IMMT: variants seen among roughly 807,000 people sequenced by gnomAD.
IMMT encodes the protein inner membrane mitochondrial protein.
A neutral mutation model predicts 92.7 loss-of-function variants in IMMT; 40 were observed. The observed-to-expected ratio is 0.43, with a 90% CI of 0.34 to 0.56. The LOEUF (loss-of-function observed/expected upper bound fraction) is 0.56. Ranked by LOEUF, IMMT falls within the 20% of genes least tolerant of loss-of-function variation. The probability of loss-of-function intolerance (pLI) is 0.03; values close to 1 mark genes in which losing one functional copy is unlikely to be tolerated. For missense variants in IMMT, 831 were observed against 912.1 expected, an observed-to-expected ratio of 0.91 and a Z score of 1.14; for synonymous variants, 322 against 336.1, an observed-to-expected ratio of 0.96 and a Z score of 0.46.
chr2:86,145,935 A>T, intron 14 of IMMT, 133 bp downstream of exon 14: 1 of 621,110 alleles, frequency 1.6e-6, no homozygotes, highest in Non-Finnish European at 2.4e-6. Flanking sequence ...AATGGCAAAA[A>T]CTGCAATTAA....
In IMMT at chr2:86,195,340, G is replaced by GGGC; in HGVS notation, c.40_42dup (p.Ala14dup). On this transcript the variant is annotated inframe_insertion, in exon 1 of 15. Coordinates refer to ENST00000410111, the MANE Select transcript of IMMT (RefSeq NM_006839.3). ...CCTCCGGGAGCCCCAGTGCTCACCT[G>GGGC]GGCGGCGGCGGTCACACCCGATAAC... 6.5e-7 allele frequency: 1 copy of GGGC among 1,549,198 alleles called. No homozygotes were observed.
chr2:86,145,494 CAAAAAAAAAAAAAAA>C (rs10554362), intron 14 of IMMT, among the ~76,000 whole-genome samples: 5 of 76,304 alleles, frequency 6.6e-5, no homozygotes, highest in African/African-American at 2.6e-4. Flanking sequence ...GACTCTGTCT[CAAAAAAAAAAAAAAA>C]AAAAAAAAAG....
intron 11 of IMMT, 77 bp downstream of exon 11, chr2:86,153,483 T>C (rs1675630358): frequency 4.1e-6 from 3 of 733,544 alleles, no homozygotes; most frequent in Middle Eastern, 2.6e-4. Flanking sequence ...GTAAGAATCA[T>C]AGGCACAACA....
intron 6 of IMMT, among the ~76,000 whole-genome samples, chr2:86,168,039 T>C (rs1158992593): frequency 6.6e-6 from 1 of 152,074 alleles, no homozygotes; most frequent in East Asian, 1.9e-4. Flanking sequence ...AACACTTATG[T>C]TGACAAGATA....
At chr2:86,188,774 AG>A (rs1672949975) in intron 1 of IMMT, among the ~76,000 whole-genome samples, 1 of 152,140 alleles carries the variant, frequency 6.6e-6, no homozygotes. Context: ...ACTGAGTTGC[AG>A]GAGTTCCTTA....
chr2:86,151,347 T>C lies in IMMT; in HGVS notation c.1351A>G (p.Lys451Glu), dbSNP rs1200985132. The C allele has an allele frequency of 6.2e-7, 1 of 1,614,038 alleles. No homozygotes were observed. The highest frequency in any genetic ancestry group is 1.7e-5 in the Admixed American group (1 of 60,022). The stretch of plus-strand genomic sequence containing the variant: ...TCACTTCTGTGATGTTCTAATGCTT[T>C]TGCTACTGCAGAGTCAAATGCCCGC... Reference protein sequence around the residue: ...EKRAFDSAVAKALEHHRSEIQ... With the variant: ...EKRAFDSAVAEALEHHRSEIQ... Residue 451 changes from lysine (K) to glutamate (E), a missense_variant, in exon 12 of 15, where the codon AAA (lysine) becomes GAA (glutamate). Coordinates refer to ENST00000410111, the MANE Select transcript of IMMT (RefSeq NM_006839.3).
Position 86,144,890 on chromosome 2 carries a change from A to C in IMMT, c.1664-9T>G. ...TTCAGCAACTGCATGGCCTACAAAG[A>C]AAAAAAGGCAAAGCCAAACATTTTT... On this transcript the variant is annotated splice_polypyrimidine_tract_variant and intron_variant, in intron 14 of 14. Coordinates refer to ENST00000410111, the MANE Select transcript of IMMT (RefSeq NM_006839.3). 1 of 1,568,614 alleles carries C rather than the reference A, an allele frequency of 6.4e-7. No individual in the cohort carries two copies. The highest frequency in any genetic ancestry group is 1.9e-5 in the Admixed American group (1 of 51,792).
intron 12 of IMMT, among the ~76,000 whole-genome samples, chr2:86,148,495 C>G (rs1405886498): frequency 6.6e-6 from 1 of 152,058 alleles, no homozygotes; most frequent in Admixed American, 6.6e-5. Context: ...GCCTGTAGTC[C>G]CAGCTACTCG....
chr2:86,162,417 A>G (rs1676358393), intron 7 of IMMT, among the ~76,000 whole-genome samples: 1 of 151,630 alleles, frequency 6.6e-6, no homozygotes, highest in South Asian at 2.1e-4. Flanking sequence ...GGAGGTTTAC[A>G]TATTTGTAGG....
chr2:86,163,140 A>G (rs1331420747), intron 7 of IMMT, among the ~76,000 whole-genome samples: 1 of 151,912 alleles, frequency 6.6e-6, no homozygotes, highest in Non-Finnish European at 1.5e-5. Flanking sequence ...TGAACAACAT[A>G]GTGAGACCCC....
chr2:86,144,413 T>C lies in IMMT; in HGVS notation c.2132A>G (p.Asn711Ser), dbSNP rs756679628. The C allele has an allele frequency of 3.7e-6, 6 of 1,613,862 alleles. No homozygotes were observed. Among genetic ancestry groups the C allele is most frequent in the South Asian group, 2.2e-5 (2 of 91,086 alleles). ...GDLELAAKFV[N>S]QLKGESRRVA... is the part of the protein sequence containing the mutation. ...TCGTCTGGATTCCCCCTTCAGCTGA[T>C]TGACAAACTTTGCTGCTAGCTCCAG... The change falls in exon 15 of 15, where the codon AAT (asparagine) becomes AGT (serine). Residue 711 changes from asparagine to serine, a missense_variant. Asn to Ser is a conservative substitution (Grantham distance 46). Transcript: ENST00000410111.
In IMMT at chr2:86,144,403, C is replaced by T. The variant is rs781632033; in HGVS notation, c.2142G>A (p.Lys714=). Residue 714 remains lysine, a synonymous_variant, in exon 15 of 15, where the codon AAG becomes AAA. Coordinates refer to ENST00000410111, the MANE Select transcript of IMMT (RefSeq NM_006839.3). Reference sequence around the variant, plus strand: ...CCTGTGCCACTCGTCTGGATTCCCCCTTCAGCTGATTGACAAACTTTGCTG... The same window carrying T: ...CCTGTGCCACTCGTCTGGATTCCCCTTTCAGCTGATTGACAAACTTTGCTG... ...ELAAKFVNQL[K]GESRRVAQDW... 4.3e-6 allele frequency: 7 copies of T among 1,613,892 alleles called. No individual in the cohort carries two copies. The Admixed American group carries it at 5.0e-5, about 12-fold the overall frequency.
Position 86,147,802 on chromosome 2 carries a change from T to TCA in IMMT, c.1431_1432dup (p.Glu478ValfsTer3). On this transcript the variant is annotated frameshift_variant, in exon 13 of 15. Coordinates refer to ENST00000410111, the MANE Select transcript of IMMT (RefSeq NM_006839.3). LOFTEE classifies it high-confidence loss of function. The stretch of plus-strand genomic sequence containing the variant: ...CTGTCGGCGAAGCTGGGTTCTCATT[T>TCA]CATTTTCCATGGCATCTCTGACTTC... The TCA allele has an allele frequency of 6.2e-7, 1 of 1,613,970 alleles. No individual in the cohort carries two copies. The highest frequency in any genetic ancestry group is 8.5e-7 in the Non-Finnish European group (1 of 1,179,866).
At position 86,147,779 on chromosome 2, in the gene IMMT, G is replaced by A. The variant is rs1675133184; in HGVS notation, c.1456C>T (p.Gln486Ter). ...ENEMRTQLRR[Q>*]AAAHTDHLRD... The stretch of plus-strand genomic sequence containing the variant: ...AAGTGATCAGTGTGGGCAGCTGCCT[G>A]TCGGCGAAGCTGGGTTCTCATTTCA... The change falls in exon 13 of 15, where the codon CAG becomes TAG. Residue 486 changes from glutamine to a stop codon, truncating the protein, a stop_gained. Transcript: ENST00000410111. LOFTEE classifies it high-confidence loss of function. The A allele has an allele frequency of 6.2e-7, 1 of 1,613,794 alleles. No individual in the cohort carries two copies. The highest frequency in any genetic ancestry group is 8.5e-7 in the Non-Finnish European group (1 of 1,179,806).
At position 86,144,356 on chromosome 2, in the gene IMMT, A is replaced by G. The variant is rs200512625; in HGVS notation, c.2189T>C (p.Met730Thr). The change falls in exon 15 of 15, where the codon ATG (methionine) becomes ACG (threonine). Residue 730 changes from methionine (M) to threonine (T), a missense_variant. Transcript: ENST00000410111. ...CACTATCTGTTTCGTTTCTAGGGTC[A>G]TTCGGGCTTCCTTCAGCCAGTCCTG... The part of the protein sequence containing the change: ...VAQDWLKEAR[M>T]TLETKQIVEI... The G allele has an allele frequency of 1.2e-6, 2 of 1,614,010 alleles. No individual in the cohort carries two copies. Among genetic ancestry groups the G allele is most frequent in the Admixed American group, 1.7e-5 (1 of 60,022 alleles).
chr2:86,155,069 G>T (rs1675757921), intron 10 of IMMT, among the ~76,000 whole-genome samples: 1 of 152,090 alleles, frequency 6.6e-6, no homozygotes, highest in Non-Finnish European at 1.5e-5. Flanking sequence ...CACCATATCG[G>T]CCAGGCCGGT....
intron 12 of IMMT, 39 bp downstream of exon 12, chr2:86,151,258 T>A (rs1573881854): frequency 3.4e-6 from 5 of 1,477,072 alleles, no homozygotes; most frequent in Non-Finnish European, 4.7e-6. Flanking sequence ...CAAGTTAGAG[T>A]CACTTTAAAT....
Position 86,177,248 on chromosome 2 carries a change from C to CTT in IMMT, c.309+2183_309+2184dup, listed in dbSNP as rs5832672. Among the ~76,000 whole-genome samples the CTT allele has an allele frequency of 9.5e-5, 14 of 147,432 alleles. No individual in the cohort carries two copies. In the East Asian group the frequency reaches 2.2e-3, roughly 23 times the overall value. The stretch of plus-strand genomic sequence containing the variant: ...CCAAAAATCCATGCTCTTTTACAGA[C>CTT]TTTTTTTTTTTTTTACAAGAAGCTG... On this transcript the variant is annotated intron_variant, in intron 3 of 14. Coordinates refer to ENST00000410111, the MANE Select transcript of IMMT (RefSeq NM_006839.3).
chr2:86,155,592 G>A (rs148495514), intron 10 of IMMT, among the ~76,000 whole-genome samples: 181 of 152,328 alleles, frequency 1.2e-3, no homozygotes, highest in African/African-American at 3.8e-3. Context: ...CTATTATTGC[G>A]TTTGGAAACT....
Sources: gnomAD v4.1 joint callset for allele counts (sites outside exome capture counted in the v4.1 genomes callset) on GRCh38, gnomAD v4.1.1 for gene constraint, MANE v1.5 for transcripts, NCBI Gene and HGNC (gene_info 2026-07-23, HGNC 2026-07-21) for gene names.